CYP27A1: variants seen among roughly 807,000 people sequenced by gnomAD.
CYP27A1 encodes the protein sterol 26-hydroxylase, mitochondrial.
CYP27A1 carries 46 observed loss-of-function variants against 58.2 expected under a neutral mutation model. That is an observed-to-expected ratio of 0.79 (90% CI 0.62 to 1.01). CYP27A1 has a LOEUF of 1.01. Ranked by LOEUF, CYP27A1 falls within the 50% of genes least tolerant of loss-of-function variation. The pLI, the probability that CYP27A1 is intolerant of heterozygous loss-of-function variation, is 0.00. For missense variants in CYP27A1, 704 were observed against 687.0 expected (o/e 1.02, Z -0.28); for synonymous variants, 274 against 285.1 (o/e 0.96, Z 0.39).
Position 218,809,774 on chromosome 2 carries a change from T to C in CYP27A1, c.446+7T>C. The C allele has an allele frequency of 6.2e-7, 1 of 1,612,326 alleles. No individual in the cohort carries two copies. ...CCTATGGGCCGTTCACCACGTGAGCTGGGGCCTGAAGGGACTGGAACAGGG... is the reference window on the plus strand; with the variant it reads ...CCTATGGGCCGTTCACCACGTGAGCCGGGGCCTGAAGGGACTGGAACAGGG... On this transcript the variant is annotated splice_region_variant and intron_variant, in intron 2 of 8. Transcript: ENST00000258415.
intron 1 of CYP27A1, among the ~76,000 whole-genome samples, chr2:218,806,990 A>T (rs116427319): frequency 0.014 from 1,640 of 118,234 alleles, 30 homozygotes; most frequent in African/African-American, 0.052. Context: ...GGAGTCTCAC[A>T]TTGCCACCCA....
chr2:218,784,547 C>G (rs890858766), intron 1 of CYP27A1, among the ~76,000 whole-genome samples: 1 of 152,114 alleles, frequency 6.6e-6, no homozygotes, highest in Non-Finnish European at 1.5e-5. Context: ...GAAATGTTAA[C>G]TATACTATTT....
At chr2:218,804,915 G>C (rs1943635972) in intron 1 of CYP27A1, among the ~76,000 whole-genome samples, 2 of 152,204 alleles carry the variant, frequency 1.3e-5, no homozygotes, top group Admixed American at 1.3e-4. Flanking sequence ...CCAGTGGTTG[G>C]TTTCTGATGA....
At chr2:218,790,729 G>C (rs183278542) in intron 1 of CYP27A1, among the ~76,000 whole-genome samples, 86 of 150,656 alleles carry the variant, frequency 5.7e-4, no homozygotes, top group Non-Finnish European at 9.9e-4. Context: ...ATGGAGTCTC[G>C]CTCTGTTGCC....
intron 1 of CYP27A1, among the ~76,000 whole-genome samples, chr2:218,794,282 G>A (rs1439321434): frequency 6.6e-6 from 1 of 152,204 alleles, no homozygotes; most frequent in Non-Finnish European, 1.5e-5. Flanking sequence ...ATTAGAATAA[G>A]GATTGGGATA....
At chr2:218,799,855 G>A (rs2105975142) in intron 1 of CYP27A1, among the ~76,000 whole-genome samples, 1 of 151,904 alleles carries the variant, frequency 6.6e-6, no homozygotes, top group South Asian at 2.1e-4. Flanking sequence ...CTTGTGCCCA[G>A]TGTCGGAAAA....
At chr2:218,790,758 C>G (rs1038946166) in intron 1 of CYP27A1, among the ~76,000 whole-genome samples, 2 of 151,376 alleles carry the variant, frequency 1.3e-5, no homozygotes, top group Admixed American at 6.6e-5. Context: ...AGTGTAGTGG[C>G]ACGACCTCGG....
chr2:218,802,006 TA>T (rs1312736027), intron 1 of CYP27A1, among the ~76,000 whole-genome samples: 1 of 150,374 alleles, frequency 6.7e-6, no homozygotes, highest in African/African-American at 2.5e-5. Context: ...AATTCCTATT[TA>T]AGGCACTCTT....
rs560108684 is a variant in CYP27A1, at chr2:218,814,971, C to T, written c.1537C>T (p.Arg513Cys). 2.5e-5 allele frequency: 40 copies of T among 1,614,166 alleles called. No homozygotes were observed. In the South Asian group the frequency reaches 2.5e-4, roughly 10 times the overall value. ...PETGELKSVA[R>C]IVLVPNKKVG... is the part of the protein sequence containing the mutation. ...GACGGGGGAGTTGAAGAGTGTGGCC[C>T]GCATTGTCCTGGTTCCCAATAAGAA... Residue 513 changes from arginine (R) to cysteine (C), a missense_variant, in exon 9 of 9, where the codon CGC becomes TGC. Transcript: ENST00000258415.
At chr2:218,801,291 G>T (rs1943597397) in intron 1 of CYP27A1, among the ~76,000 whole-genome samples, 2 of 152,154 alleles carry the variant, frequency 1.3e-5, no homozygotes, top group African/African-American at 4.8e-5. Context: ...GATCACGTGA[G>T]GTCAGGAGTT....
At position 218,782,633 on chromosome 2, in the gene CYP27A1, A is replaced by G. The variant is rs1943403686; in HGVS notation, c.255+196A>G. On this transcript the variant is annotated intron_variant, in intron 1 of 8. Transcript: ENST00000258415. This position sits in a 1 kb window ranked among gnomAD's most constrained non-coding sequence, Gnocchi z 4.1. Reference sequence around the variant, plus strand: ...CAGAGCCCTTTGAGCTGAGATAAACAGGACGAGGAAGGGCTTAAATCAGGA... The same window carrying G: ...CAGAGCCCTTTGAGCTGAGATAAACGGGACGAGGAAGGGCTTAAATCAGGA... Among the ~76,000 whole-genome samples, 1 of 152,178 alleles carries G rather than the reference A, an allele frequency of 6.6e-6. No individual in the cohort carries two copies. The highest frequency in any genetic ancestry group is 1.5e-5 in the Non-Finnish European group (1 of 68,024).
At chr2:218,789,153 T>C (rs1190091304) in intron 1 of CYP27A1, among the ~76,000 whole-genome samples, 1 of 152,204 alleles carries the variant, frequency 6.6e-6, no homozygotes, top group Non-Finnish European at 1.5e-5. Flanking sequence ...GCAGCCTTAT[T>C]TGTAGTCAGG....
At chr2:218,810,797 T>C (rs1334085476) in intron 2 of CYP27A1, among the ~76,000 whole-genome samples, 1 of 152,012 alleles carries the variant, frequency 6.6e-6, no homozygotes, top group Non-Finnish European at 1.5e-5. Flanking sequence ...TCCCTTAACA[T>C]AATAAAGGCA....
At chr2:218,801,637 GGT>G (rs1171905220) in intron 1 of CYP27A1, among the ~76,000 whole-genome samples, 2 of 151,946 alleles carry the variant, frequency 1.3e-5, no homozygotes, top group Non-Finnish European at 2.9e-5. Flanking sequence ...AGTTGAAAGT[GGT>G]ATATCTTCAT....
chr2:218,814,564 A>T lies in CYP27A1; in HGVS notation c.1283A>T (p.His428Leu). 6.2e-7 allele frequency: 1 copy of T among 1,614,186 alleles called. No individual in the cohort carries two copies. Among genetic ancestry groups the T allele is most frequent in the South Asian group, 1.1e-5 (1 of 91,078 alleles). ...FPKNTQFVFC[H>L]YVVSRDPTAF... is the part of the protein sequence containing the mutation. The stretch of plus-strand genomic sequence containing the variant: ...TTATAGACCCAGTTTGTGTTCTGCC[A>T]CTATGTGGTGTCCCGGGACCCCACT... Residue 428 changes from histidine to leucine, a missense_variant, in exon 8 of 9, where the codon CAC becomes CTC. His to Leu is a moderately conservative substitution (Grantham distance 99). Coordinates refer to ENST00000258415, the MANE Select transcript of CYP27A1 (RefSeq NM_000784.4).
intron 1 of CYP27A1, among the ~76,000 whole-genome samples, chr2:218,796,916 T>C (rs1943552877): frequency 6.6e-6 from 1 of 152,226 alleles, no homozygotes; most frequent in South Asian, 2.1e-4. Context: ...ATCAGAAACC[T>C]GCATTTGAGA....
chr2:218,787,533 T>C (rs1204321199), intron 1 of CYP27A1, among the ~76,000 whole-genome samples: 1 of 152,224 alleles, frequency 6.6e-6, no homozygotes, highest in Admixed American at 6.5e-5. Flanking sequence ...TGCTATGGTT[T>C]GAATGTTTCC....
intron 4 of CYP27A1, 43 bp downstream of exon 4, chr2:218,812,792 G>C (rs1272630582): frequency 6.2e-7 from 1 of 1,610,298 alleles, no homozygotes; most frequent in Non-Finnish European, 8.5e-7. Context: ...AGATGGGGGT[G>C]ACTCCAGGTC....
chr2:218,805,230 G>A (rs1943639114), intron 1 of CYP27A1, among the ~76,000 whole-genome samples: 1 of 152,066 alleles, frequency 6.6e-6, no homozygotes, highest in Admixed American at 6.6e-5. Context: ...AACTCTAGAC[G>A]AGCTACTGTT....
Sources: allele counts gnomAD v4.1 joint callset (sites outside exome capture counted in the v4.1 genomes callset), GRCh38; gene constraint gnomAD v4.1.1; non-coding constraint Gnocchi (gnomAD v3.1); transcripts MANE v1.5; gene names NCBI Gene and HGNC (gene_info 2026-07-23, HGNC 2026-07-21).